Variants in DOCK7 observed in about 807,000 individuals in gnomAD.
DOCK7 encodes dedicator of cytokinesis protein 7.
Under a neutral mutation model 271.0 loss-of-function variants are expected in DOCK7, and 138 were observed. That is an observed-to-expected ratio of 0.51 (90% CI 0.44 to 0.59). The LOEUF (loss-of-function observed/expected upper bound fraction) is 0.59, where lower values mean the gene tolerates loss of function less well. Ranked by LOEUF, DOCK7 falls within the 20% of genes least tolerant of loss-of-function variation. The pLI, the probability that DOCK7 is intolerant of heterozygous loss-of-function variation, is 0.00. For synonymous variants in DOCK7, 823 were observed against 876.1 expected (o/e 0.94, Z 1.07); for missense variants, 2,066 against 2,592.4 (o/e 0.80, Z 4.41).
At chr1:62,677,386 T>C (rs1660649510) in intron 1 of DOCK7, among the ~76,000 whole-genome samples, 1 of 152,154 alleles carries the variant, frequency 6.6e-6, no homozygotes, top group Admixed American at 6.5e-5. Flanking sequence ...GATTTGAGCC[T>C]GGGGCTGTCA....
chr1:62,673,542 A>T (rs1407782817), intron 1 of DOCK7, among the ~76,000 whole-genome samples: 1 of 152,204 alleles, frequency 6.6e-6, no homozygotes, highest in Non-Finnish European at 1.5e-5. Flanking sequence ...ATTGGCAATT[A>T]AAAACAGAGA....
intron 11 of DOCK7, chr1:62,629,521 G>A (rs1654359705): frequency 6.6e-6 from 1 of 152,138 alleles, no homozygotes; most frequent in East Asian, 1.9e-4. Context: ...GAAATGTCTG[G>A]CATAGACAAA....
chr1:62,546,328 G>A (rs1645706829), intron 22 of DOCK7, among the ~76,000 whole-genome samples: 1 of 152,054 alleles, frequency 6.6e-6, no homozygotes, highest in Admixed American at 6.6e-5. Flanking sequence ...CAAGGGCTTA[G>A]GTTTCAGGAG....
intron 20 of DOCK7, among the ~76,000 whole-genome samples, chr1:62,557,410 A>C (rs1646180748): frequency 6.6e-6 from 1 of 151,356 alleles, no homozygotes; most frequent in Admixed American, 6.6e-5. Flanking sequence ...GATTTCTCTC[A>C]GCACATAAAC....
intron 2 of DOCK7, among the ~76,000 whole-genome samples, chr1:62,659,841 C>T (rs1658458423): frequency 6.6e-6 from 1 of 151,990 alleles, no homozygotes; most frequent in South Asian, 2.1e-4. Context: ...AGGAATGATC[C>T]AAGAGGACAT....
At chr1:62,486,324 G>A (rs548287749) in intron 43 of DOCK7, 4 of 152,066 alleles carry the variant, frequency 2.6e-5, no homozygotes, top group African/African-American at 9.6e-5. Flanking sequence ...TATTCCCAAG[G>A]TTTTCTATTT....
chr1:62,468,483 A>G (rs564902801), intron 48 of DOCK7, among the ~76,000 whole-genome samples: 7 of 152,254 alleles, frequency 4.6e-5, no homozygotes, highest in Admixed American at 6.5e-5. Flanking sequence ...AGCTGAAAGT[A>G]TTCCCTCTGA....
intron 43 of DOCK7, among the ~76,000 whole-genome samples, chr1:62,479,506 CA>C (rs1646057305): frequency 6.6e-6 from 1 of 151,656 alleles, no homozygotes; most frequent in African/African-American, 2.4e-5. Flanking sequence ...TGATTAAAAC[CA>C]TAAGTAAGCC....
At chr1:62,598,065 A>G in intron 14 of DOCK7, 1 of 1,578,624 alleles carries the variant, frequency 6.3e-7, no homozygotes, top group Non-Finnish European at 8.6e-7. Flanking sequence ...ACTTAAAGTA[A>G]GTAGAAAATA....
intron 22 of DOCK7, 126 bp downstream of exon 22, chr1:62,552,606 G>T: frequency 1.1e-6 from 1 of 929,182 alleles, no homozygotes; most frequent in Non-Finnish European, 1.5e-6. Context: ...GAACAGAAAT[G>T]TACAATTCCT....
intron 14 of DOCK7, chr1:62,602,358 A>G (rs745767636): frequency 6.2e-7 from 1 of 1,610,892 alleles, no homozygotes; most frequent in South Asian, 1.1e-5. Context: ...AGAACTACAA[A>G]TATGGTTTTG....
intron 2 of DOCK7, among the ~76,000 whole-genome samples, chr1:62,662,547 G>A (rs375152154): frequency 6.6e-6 from 1 of 152,112 alleles, no homozygotes; most frequent in Non-Finnish European, 1.5e-5. Context: ...TGGATCACAA[G>A]GTCAGGAGTT....
rs143129470 is a variant in DOCK7, at chr1:62,587,383, T to G, written c.1683-759A>C. On this transcript the variant is annotated intron_variant, in intron 14 of 49. Transcript: ENST00000635253. ...TAGAGCCAATGAACAAGACGTTTAG[T>G]ATAATAGAACCTTGCTAATCAACTG... Among the ~76,000 whole-genome samples the G allele has an allele frequency of 1.6e-3, 236 of 150,938 alleles. 2 individuals carry two copies. Among genetic ancestry groups the G allele is most frequent in the African/African-American group, 5.1e-3 (208 of 41,066 alleles).
rs1347878468 is a variant in DOCK7, at chr1:62,620,320, T to TA, written c.1426-328dup. The stretch of plus-strand genomic sequence containing the variant: ...ATGGAGCAAGACTCTGTCTCAAAAA[T>TA]AAAAATAAATAAATAAATAAATAAA... On this transcript the variant is annotated intron_variant, in intron 12 of 49. Transcript: ENST00000635253. Among the ~76,000 whole-genome samples the TA allele has an allele frequency of 3.0e-3, 428 of 140,926 alleles. 1 individual carries two copies. The highest frequency in any genetic ancestry group is 4.6e-3 in the African/African-American group (172 of 37,500). The allele number at this position is 140,926 out of a possible 152,430, so 92.5% of individuals were successfully genotyped here.
chr1:62,483,051 C>G (rs1225847853), intron 43 of DOCK7: 1 of 152,030 alleles, frequency 6.6e-6, no homozygotes, highest in Non-Finnish European at 1.5e-5. Context: ...ACTATGTCAC[C>G]CAGGCTAGAG....
At chr1:62,673,258 T>C (rs532218467) in intron 1 of DOCK7, among the ~76,000 whole-genome samples, 1 of 152,082 alleles carries the variant, frequency 6.6e-6, no homozygotes, top group Non-Finnish European at 1.5e-5. Flanking sequence ...GAAAAAGGAT[T>C]AAAAAAAAGA....
chr1:62,535,733 T>G, intron 28 of DOCK7, 101 bp from the exon 29 acceptor site: 1 of 1,158,384 alleles, frequency 8.6e-7, no homozygotes, highest in Non-Finnish European at 1.2e-6. Context: ...CCAGGGTAGT[T>G]TATTTTATAT....
At chr1:62,626,905 CT>C (rs922736880) in intron 11 of DOCK7, among the ~76,000 whole-genome samples, 2 of 152,094 alleles carry the variant, frequency 1.3e-5, no homozygotes, top group African/African-American at 4.8e-5. Flanking sequence ...CAGTATTACC[CT>C]GATACCAAAA....
chr1:62,508,282 C>A lies in DOCK7; in HGVS notation c.4380-224G>T, dbSNP rs181989857. ...CTCACCCCATTACAGAAGTGTAATGCCACTAAAAGCATAAATGTTTATGTT... is the reference window on the plus strand; with the variant it reads ...CTCACCCCATTACAGAAGTGTAATGACACTAAAAGCATAAATGTTTATGTT... On this transcript the variant is annotated intron_variant, in intron 34 of 49. Coordinates refer to ENST00000635253, the MANE Select transcript of DOCK7 (RefSeq NM_001367561.1). 1.4e-4 allele frequency among the ~76,000 whole-genome samples: 22 copies of A among 152,264 alleles called. No homozygotes were observed. In the East Asian group the frequency reaches 4.0e-3, roughly 28 times the overall value.
Sources: allele counts gnomAD v4.1 joint callset (sites outside exome capture counted in the v4.1 genomes callset), GRCh38; gene constraint gnomAD v4.1.1; transcripts MANE v1.5; gene names NCBI Gene and HGNC (gene_info 2026-07-23, HGNC 2026-07-21).